Variants in SPATA9 observed in about 807,000 individuals in gnomAD.
SPATA9 encodes spermatogenesis associated 9, also known as spermatogenesis-associated protein 9.
A neutral mutation model predicts 25.5 loss-of-function variants in SPATA9; 27 were observed. The ratio of observed to expected loss-of-function variants is 1.06; its 90% CI spans 0.78 to 1.46. The LOEUF (loss-of-function observed/expected upper bound fraction) is 1.46, where lower values mean the gene tolerates loss of function less well. Ranked by LOEUF, SPATA9 falls within the 40% of genes most tolerant of loss-of-function variation. The pLI is 0.00. For missense variants in SPATA9, 282 were observed against 297.5 expected (o/e 0.95, Z 0.38); for synonymous variants, 102 against 105.7 (o/e 0.97, Z 0.21).
chr5:95,684,565 C>G (rs1753685703), upstream of SPATA9: 1 of 152,254 alleles, frequency 6.6e-6, no homozygotes, highest in Non-Finnish European at 1.5e-5. Flanking sequence ...TGTTTGCTAA[C>G]AACGTCCTTT....
intron 3 of SPATA9, among the ~76,000 whole-genome samples, chr5:95,664,901 G>A (rs938422369): frequency 6.6e-6 from 1 of 152,104 alleles, no homozygotes; most frequent in South Asian, 2.1e-4. Flanking sequence ...ATTAGACAAC[G>A]TTCATTAAAG....
chr5:95,673,509 C>A (rs1752612655), intron 3 of SPATA9, among the ~76,000 whole-genome samples: 1 of 151,926 alleles, frequency 6.6e-6, no homozygotes, highest in African/African-American at 2.4e-5. Flanking sequence ...AAAGGAAGAC[C>A]CTGAATAGCA....
chr5:95,683,984 G>C (rs1385413566), upstream of SPATA9, among the ~76,000 whole-genome samples: 1 of 152,138 alleles, frequency 6.6e-6, no homozygotes, highest in Admixed American at 6.5e-5. Flanking sequence ...CATGGGAACA[G>C]TTTGGGAAAG....
the SPATA9 span, among the ~76,000 whole-genome samples, chr5:95,715,070 A>G: frequency 6.6e-6 from 1 of 152,184 alleles, no homozygotes; most frequent in Middle Eastern, 3.2e-3. Flanking sequence ...TAATACCTGT[A>G]ATCCCAGCAC....
At chr5:95,677,036 A>C (rs1484055393) in intron 2 of SPATA9, among the ~76,000 whole-genome samples, 1 of 152,012 alleles carries the variant, frequency 6.6e-6, no homozygotes, top group Admixed American at 6.6e-5. Flanking sequence ...TCACTCCCTC[A>C]CTTCCTTCAC....
chr5:95,657,088 C>CA (rs2112531116), downstream of SPATA9: 1 of 152,180 alleles, frequency 6.6e-6, no homozygotes, highest in Admixed American at 6.5e-5. Flanking sequence ...TTCAGTGAGC[C>CA]AATGTTCTTT....
upstream of SPATA9, chr5:95,684,804 C>A (rs1199799081): frequency 6.6e-6 from 1 of 152,014 alleles, no homozygotes; most frequent in Non-Finnish European, 1.5e-5. Context: ...CTTGTTAATT[C>A]TTCATTATGT....
At chr5:95,683,560 T>G (rs914033665), upstream of SPATA9, among the ~76,000 whole-genome samples, 3 of 152,126 alleles carry the variant, frequency 2.0e-5, no homozygotes, top group Non-Finnish European at 2.9e-5. Flanking sequence ...TTTTTTGAGA[T>G]GGAGTCTTGC....
the SPATA9 span, among the ~76,000 whole-genome samples, chr5:95,714,287 C>G: frequency 1.3e-5 from 2 of 152,048 alleles, no homozygotes; most frequent in Non-Finnish European, 2.9e-5. Flanking sequence ...AATGTAGGAG[C>G]AATCACTGAA....
intron 3 of SPATA9, among the ~76,000 whole-genome samples, chr5:95,674,463 A>G (rs1267726088): frequency 6.6e-6 from 1 of 152,178 alleles, no homozygotes; most frequent in Non-Finnish European, 1.5e-5. Flanking sequence ...AACACAAGCC[A>G]TGCTCTTGGA....
chr5:95,652,183 A>G (rs1750376896), downstream of SPATA9: 5 of 1,453,290 alleles, frequency 3.4e-6, no homozygotes, highest in Non-Finnish European at 1.8e-6. Context: ...CAGAGAAGAA[A>G]GCTGTGAATG....
chr5:95,704,054 T>C, the SPATA9 span, among the ~76,000 whole-genome samples: 1 of 150,584 alleles, frequency 6.6e-6, no homozygotes, highest in Non-Finnish European at 1.5e-5. Flanking sequence ...TCACAGTGCA[T>C]ATACACACAT....
Position 95,658,805 on chromosome 5 carries a change from C to T in SPATA9, c.583G>A (p.Glu195Lys). ...ESENCRKAFS[E>K]PVLSEPMFAE... ...AACATAGGCTCCGAAAGCACAGGCTCAGAAAAGGCTTTTCTACAATTTTCA... is the reference window on the plus strand; with the variant it reads ...AACATAGGCTCCGAAAGCACAGGCTTAGAAAAGGCTTTTCTACAATTTTCA... Residue 195 changes from glutamate to lysine, a missense_variant, in exon 5 of 5, where the codon GAG becomes AAG. Glu to Lys is a moderately conservative substitution (Grantham distance 56). Transcript: ENST00000274432. 2 of 1,613,954 alleles carry T rather than the reference C, an allele frequency of 1.2e-6. No individual in the cohort carries two copies. Among genetic ancestry groups the T allele is most frequent in the African/African-American group, 1.3e-5 (1 of 75,014 alleles).
chr5:95,695,159 C>T (rs1165100667), intron 1 of SPATA9, among the ~76,000 whole-genome samples: 3 of 152,084 alleles, frequency 2.0e-5, no homozygotes, highest in Non-Finnish European at 2.9e-5. Context: ...ATTATAAATA[C>T]TATTTTGTAG....
intron 4 of SPATA9, among the ~76,000 whole-genome samples, chr5:95,662,369 C>G (rs768026772): frequency 4.6e-5 from 7 of 152,076 alleles, no homozygotes; most frequent in South Asian, 4.2e-4. Flanking sequence ...ACAGAAAGCA[C>G]GTAAGATAAA....
chr5:95,654,509 G>A, downstream of SPATA9: 1 of 653,520 alleles, frequency 1.5e-6, no homozygotes, highest in Non-Finnish European at 2.6e-6. Flanking sequence ...TGAGAAATAT[G>A]CTTATCTTTT....
the SPATA9 span, chr5:95,731,272 G>A: frequency 5.8e-5 from 59 of 1,015,070 alleles, no homozygotes; most frequent in African/African-American, 9.6e-4. Flanking sequence ...CGCTGAGGGG[G>A]CGGAGGCCCC....
At chr5:95,716,679 T>C in the SPATA9 span, among the ~76,000 whole-genome samples, 3 of 152,284 alleles carry the variant, frequency 2.0e-5, no homozygotes, top group East Asian at 5.8e-4. Flanking sequence ...CGTTGAAATG[T>C]GGGGACATGA....
intron 1 of SPATA9, chr5:95,698,538 C>A (rs1489383608): frequency 1.3e-5 from 2 of 152,176 alleles, no homozygotes; most frequent in African/African-American, 4.8e-5. Flanking sequence ...CCTAAGGGCA[C>A]CAATGTCAGT....
Sources: allele counts gnomAD v4.1 joint callset (sites outside exome capture counted in the v4.1 genomes callset), GRCh38; gene constraint gnomAD v4.1.1; transcripts MANE v1.5; gene names NCBI Gene and HGNC (gene_info 2026-07-23, HGNC 2026-07-21).